OR10K2: variants seen among roughly 807,000 people sequenced by gnomAD.
The protein encoded by OR10K2 is olfactory receptor 10K2.
For missense variants in OR10K2, 401 were observed against 367.1 expected, an observed-to-expected ratio of 1.09 and a Z score of -0.76; for synonymous variants, 169 against 146.4, an observed-to-expected ratio of 1.15 and a Z score of -1.11.
chr1:158,420,490 A>C lies in OR10K2; in HGVS notation c.377T>G (p.Ile126Ser), dbSNP rs950314833. Residue 126 changes from isoleucine (I) to serine (S), a missense_variant, in exon 2 of 2, where the codon ATC becomes AGC. Transcript: ENST00000641042. ...CACTGAGTAGCGCAGTGGGTTACAG[A>C]TGGCTATGTAACGATCATAACCCAT... ...AVMGYDRYIA[I>S]CNPLRYSVLM... 1.9e-6 allele frequency: 3 copies of C among 1,613,942 alleles called. No homozygotes were observed. The highest frequency in any genetic ancestry group is 1.7e-6 in the Non-Finnish European group (2 of 1,179,914).
intron 1 of OR10K2, among the ~76,000 whole-genome samples, chr1:158,421,734 T>A (rs1432214600): frequency 1.3e-5 from 2 of 152,062 alleles, no homozygotes; most frequent in East Asian, 3.9e-4. Flanking sequence ...AAATATAAAT[T>A]GTATTATATT....
At chr1:158,424,741 G>GTGTGTGTGTGTGTGTGTGT (rs1484514493) in intron 1 of OR10K2, among the ~76,000 whole-genome samples, 3 of 151,724 alleles carry the variant, frequency 2.0e-5, no homozygotes, top group Non-Finnish European at 4.4e-5. Flanking sequence ...TACAATCTGT[G>GTGTGTGTGTGTGTGTGTGT]TGTGTGTGTG....
intron 1 of OR10K2, among the ~76,000 whole-genome samples, chr1:158,424,210 T>C (rs1054382376): frequency 2.0e-5 from 3 of 152,050 alleles, no homozygotes; most frequent in African/African-American, 4.8e-5. Context: ...TTTTCTTTAA[T>C]GTTGACTGGC....
chr1:158,421,675 C>T (rs1655159107), intron 1 of OR10K2, among the ~76,000 whole-genome samples: 1 of 152,100 alleles, frequency 6.6e-6, no homozygotes, highest in South Asian at 2.1e-4. Flanking sequence ...CATGGCCACT[C>T]TTACATCTCT....
rs777432102 is a variant in OR10K2 at position 158,420,735 on chromosome 1, G to T, written c.132C>A (p.Ile44=). The T allele has an allele frequency of 6.2e-7, 1 of 1,613,642 alleles. No homozygotes were observed. The highest frequency in any genetic ancestry group is 8.5e-7 in the Non-Finnish European group (1 of 1,179,846). Residue 44 remains isoleucine, a synonymous_variant, in exon 2 of 2, where the codon ATC becomes ATA. Transcript: ENST00000641042. The stretch of plus-strand genomic sequence containing the variant: ...TGTCCAGGACAATGGTGGAAATGAT[G>T]ATTGCATTGGTGCCCAGAGTGAACA... ...LYLFTLGTNA[I]IISTIVLDRA... is the part of the protein sequence containing the mutation.
At chr1:158,423,089 C>T (rs997030221) in intron 1 of OR10K2, among the ~76,000 whole-genome samples, 11 of 151,880 alleles carry the variant, frequency 7.2e-5, no homozygotes, top group Non-Finnish European at 1.2e-4. Flanking sequence ...AGTACATTTG[C>T]TTCTCCTTGC....
At chr1:158,423,565 T>C (rs1033049712) in intron 1 of OR10K2, among the ~76,000 whole-genome samples, 2 of 151,988 alleles carry the variant, frequency 1.3e-5, no homozygotes, top group African/African-American at 2.4e-5. Flanking sequence ...GAAAGAGATT[T>C]GTCCCATAAA....
chr1:158,419,509 T>C lies in OR10K2; in HGVS notation c.*419A>G, dbSNP rs540069688. 6.4e-6 allele frequency: 1 copy of C among 155,088 alleles called. No homozygotes were observed. The highest frequency in any genetic ancestry group is 1.4e-5 in the Non-Finnish European group (1 of 69,668). The allele number at this position is 155,088 out of a possible 1,614,324, so 9.6% of individuals were successfully genotyped here. ...TATATTTGGAGATGACGGGAAATGATCTATGTTCCTGAACATAATGCTCAA... is the reference window on the plus strand; with the variant it reads ...TATATTTGGAGATGACGGGAAATGACCTATGTTCCTGAACATAATGCTCAA... On this transcript the variant is annotated 3_prime_UTR_variant, in exon 2 of 2. Coordinates refer to ENST00000641042, the MANE Select transcript of OR10K2 (RefSeq NM_001004476.2).
At chr1:158,421,593 C>T (rs1225370326) in intron 1 of OR10K2, among the ~76,000 whole-genome samples, 1 of 152,154 alleles carries the variant, frequency 6.6e-6, no homozygotes, top group Non-Finnish European at 1.5e-5. Flanking sequence ...GGACCACAAT[C>T]TTTCTTCAGG....
chr1:158,420,645 G>C lies in OR10K2; in HGVS notation c.222C>G (p.Thr74=), dbSNP rs1464297648. The C allele has an allele frequency of 6.2e-7, 1 of 1,613,932 alleles. No homozygotes were observed. The highest frequency in any genetic ancestry group is 8.5e-7 in the Non-Finnish European group (1 of 1,179,920). The change falls in exon 2 of 2, where the codon ACC becomes ACG. Residue 74 remains threonine, a synonymous_variant. Transcript: ENST00000641042. ...CCAGCATCTTGGGTACAATGATGAA[G>C]GTGTAGCAAATCTCAGAGCAAGAGA... ...AILSCSEICY[T]FIIVPKMLVD... is the part of the protein sequence containing the mutation.
At position 158,424,396 on chromosome 1, in the gene OR10K2, GT is replaced by G. The variant is rs150005757; in HGVS notation, c.-62+1536del. On this transcript the variant is annotated intron_variant, in intron 1 of 1. Transcript: ENST00000641042. ...ACAAAGAAAAAATAAACTCAGTTAT[GT>G]TTTTTGGGAGCATTATTCCATTGTG... 2.1e-4 allele frequency among the ~76,000 whole-genome samples: 32 copies of G among 151,968 alleles called. 1 individual carries two copies. The highest frequency in any genetic ancestry group is 4.0e-4 in the Non-Finnish European group (27 of 67,928).
In OR10K2 at chr1:158,420,060, G is replaced by C. The variant is rs761899734; in HGVS notation, c.807C>G (p.Ser269Arg). 5 of 1,613,726 alleles carry C rather than the reference G, an allele frequency of 3.1e-6. No individual in the cohort carries two copies. The East Asian group carries it at 8.9e-5, about 29-fold the overall frequency. Reference sequence around the variant, plus strand: ...AGGATACTGATATTAGAGCATCCTGGCTTGAGGAGTAGTTGGACTGAGGCC... The same window carrying C: ...AGGATACTGATATTAGAGCATCCTGCCTTGAGGAGTAGTTGGACTGAGGCC... ...YLRPQSNYSS[S>R]QDALISVSYT... The change falls in exon 2 of 2, where the codon AGC (serine) becomes AGG (arginine). Residue 269 changes from serine to arginine, a missense_variant. Physicochemically the swap from Ser to Arg is moderately radical, Grantham distance 110 (BLOSUM62 -1). Transcript: ENST00000641042.
At chr1:158,425,468 A>C (rs1655234482) in intron 1 of OR10K2, among the ~76,000 whole-genome samples, 1 of 152,072 alleles carries the variant, frequency 6.6e-6, no homozygotes, top group Non-Finnish European at 1.5e-5. Context: ...GCAGTTACTT[A>C]CGGTGTTCTT....
Position 158,420,077 on chromosome 1 carries a change from A to G in OR10K2, c.790T>C (p.Ser264Pro). Residue 264 changes from serine to proline, a missense_variant, in exon 2 of 2, where the codon TCC becomes CCC. Physicochemically the swap from Ser to Pro is moderately conservative, Grantham distance 74. Coordinates refer to ENST00000641042, the MANE Select transcript of OR10K2 (RefSeq NM_001004476.2). ...GCATCCTGGCTTGAGGAGTAGTTGG[A>G]CTGAGGCCTTAAGTAGATAAAGGAG... ...CASFIYLRPQ[S>P]NYSSSQDALI... 2 of 1,613,780 alleles carry G rather than the reference A, an allele frequency of 1.2e-6. No homozygotes were observed. The highest frequency in any genetic ancestry group is 1.7e-6 in the Non-Finnish European group (2 of 1,179,840).
chr1:158,419,964 A>G lies in OR10K2; in HGVS notation c.903T>C (p.Leu301=), dbSNP rs1655109682. 6.2e-7 allele frequency: 1 copy of G among 1,611,484 alleles called. No individual in the cohort carries two copies. Among genetic ancestry groups the G allele is most frequent in the Non-Finnish European group, 8.5e-7 (1 of 1,178,822 alleles). Residue 301 remains leucine, a synonymous_variant, in exon 2 of 2, where the codon CTT becomes CTC. Coordinates refer to ENST00000641042, the MANE Select transcript of OR10K2 (RefSeq NM_001004476.2). Reference sequence around the variant, plus strand: ...AAATTGTTCTTCTCACAATTTTACAAAGAGCTGATTTGAACTCTTTATTTC... The same window carrying G: ...AAATTGTTCTTCTCACAATTTTACAGAGAGCTGATTTGAACTCTTTATTTC... ...SLRNKEFKSA[L]CKIVRRTISL...
chr1:158,423,333 A>C (rs949416738), intron 1 of OR10K2, among the ~76,000 whole-genome samples: 56 of 151,496 alleles, frequency 3.7e-4, no homozygotes, highest in African/African-American at 1.3e-3. Flanking sequence ...AAATTTCTAC[A>C]TGTAGAATCT....
intron 1 of OR10K2, among the ~76,000 whole-genome samples, chr1:158,425,647 T>TA (rs1246238138): frequency 7.1e-6 from 1 of 139,878 alleles, no homozygotes; most frequent in African/African-American, 2.7e-5. Flanking sequence ...TCCTATCTGA[T>TA]ACAGTCCTTT....
chr1:158,420,667 G>A lies in OR10K2; in HGVS notation c.200C>T (p.Ser67Phe), dbSNP rs941747044. ...IPMYFFLAIL[S>F]CSEICYTFII... ...GAAGGTGTAGCAAATCTCAGAGCAA[G>A]AGAGGATGGCAAGGAAGAAGTACAT... The change falls in exon 2 of 2, where the codon TCT becomes TTT. Residue 67 changes from serine (S) to phenylalanine (F), a missense_variant. Coordinates refer to ENST00000641042, the MANE Select transcript of OR10K2 (RefSeq NM_001004476.2). 7.4e-6 allele frequency: 12 copies of A among 1,613,840 alleles called. No homozygotes were observed. The Middle Eastern group carries it at 8.2e-4, about 111-fold the overall frequency.
At chr1:158,422,945 A>AT (rs890874155) in intron 1 of OR10K2, among the ~76,000 whole-genome samples, 48 of 152,088 alleles carry the variant, frequency 3.2e-4, no homozygotes, top group Admixed American at 5.9e-4. Context: ...AATGATATGT[A>AT]TTTTTTATTT....
Sources: gnomAD v4.1 joint callset for allele counts (sites outside exome capture counted in the v4.1 genomes callset) on GRCh38, gnomAD v4.1.1 for gene constraint, MANE v1.5 for transcripts, NCBI Gene and HGNC (gene_info 2026-07-23, HGNC 2026-07-21) for gene names.